The following PCDHGA6 variants were observed in gnomAD, a reference collection of about 807,000 sequenced individuals.
PCDHGA6 encodes the protein protocadherin gamma-A6.
PCDHGA6 carries 41 observed loss-of-function variants against 60.6 expected under a neutral mutation model. The ratio of observed to expected loss-of-function variants is 0.68; its 90% CI spans 0.53 to 0.88. The LOEUF is 0.88. Ranked by LOEUF, PCDHGA6 falls within the 40% of genes least tolerant of loss-of-function variation. The pLI is 0.00. For synonymous variants in PCDHGA6, 594 were observed against 524.4 expected, an observed-to-expected ratio of 1.13 and a Z score of -1.81; for missense variants, 1,312 against 1,203.0, an observed-to-expected ratio of 1.09 and a Z score of -1.34.
At chr5:141,382,300 A>C (rs1428266380) in intron 1 of PCDHGA6, among the ~76,000 whole-genome samples, 1 of 152,240 alleles carries the variant, frequency 6.6e-6, no homozygotes, top group Non-Finnish European at 1.5e-5. Flanking sequence ...AATTAATTAA[A>C]ATTTATATAC....
At chr5:141,455,583 A>G (rs1485134189) in intron 1 of PCDHGA6, among the ~76,000 whole-genome samples, 4 of 152,144 alleles carry the variant, frequency 2.6e-5, no homozygotes, top group Non-Finnish European at 2.9e-5. Context: ...CCAGCCTTTT[A>G]ATATGCAAAC....
chr5:141,425,555 A>C (rs1282440598), intron 1 of PCDHGA6, among the ~76,000 whole-genome samples: 2 of 152,388 alleles, frequency 1.3e-5, no homozygotes, highest in Middle Eastern at 6.8e-3. Context: ...AACCTCTTTT[A>C]TAAGTGATAA....
In PCDHGA6 at chr5:141,432,847, G is replaced by C. The variant is rs768265171; in HGVS notation, c.2424+56340G>C. ...ACCTCACTCTGTACCTGGTGGTAGC[G>C]GTGGCCGCGGTCTCCTGCGTCTTCC... On this transcript the variant is annotated intron_variant, in intron 1 of 3. Transcript: ENST00000517434. The surrounding 1 kb of genome is among the most constrained non-coding windows in gnomAD (Gnocchi z 6.0). The C allele has an allele frequency of 1.2e-6, 2 of 1,614,180 alleles. No homozygotes were observed. Among genetic ancestry groups the C allele is most frequent in the Admixed American group, 1.7e-5 (1 of 60,032 alleles).
intron 1 of PCDHGA6, among the ~76,000 whole-genome samples, chr5:141,468,306 C>T (rs1006015063): frequency 9.5e-6 from 1 of 105,260 alleles, no homozygotes; most frequent in African/African-American, 3.7e-5. Context: ...GCCTGGGCAA[C>T]AAGAGCAACG....
At chr5:141,433,289 G>C in intron 1 of PCDHGA6, 1 of 1,130,682 alleles carries the variant, frequency 8.8e-7, no homozygotes, top group Non-Finnish European at 1.3e-6. Context: ...AAACTCCTAG[G>C]CTCAAGCAAT....
chr5:141,382,921 G>A, intron 1 of PCDHGA6: 2 of 1,560,324 alleles, frequency 1.3e-6, no homozygotes, highest in South Asian at 1.2e-5. Flanking sequence ...GCCGAGGGGC[G>A]GGGACTACAG....
At chr5:141,442,053 G>A (rs888378256) in intron 1 of PCDHGA6, 3 of 197,472 alleles carry the variant, frequency 1.5e-5, no homozygotes, top group Non-Finnish European at 3.2e-5. Flanking sequence ...ACTGGTCGCG[G>A]TGCACTGCGG....
rs1243958567 is a variant in PCDHGA6, at chr5:141,418,557, T to C, written c.2424+42050T>C. 4.3e-6 allele frequency: 7 copies of C among 1,613,860 alleles called. No homozygotes were observed. The East Asian group carries it at 1.6e-4, about 36-fold the overall frequency. On this transcript the variant is annotated intron_variant, in intron 1 of 3. Coordinates refer to ENST00000517434, the MANE Select transcript of PCDHGA6 (RefSeq NM_018919.3). ...ACTGCTCAGATAAGAATCCTGGTAA[T>C]AGATGCCAATGACAACCCCCCAGTG... is the stretch of plus-strand genomic sequence containing the variant.
At chr5:141,384,058 C>T (rs1246180478) in intron 1 of PCDHGA6, 2 of 1,609,504 alleles carry the variant, frequency 1.2e-6, no homozygotes, top group Non-Finnish European at 1.7e-6. Context: ...CTGCACCATT[C>T]CAGAAAACCT....
chr5:141,420,722 A>T (rs1428516588), intron 1 of PCDHGA6, among the ~76,000 whole-genome samples: 4 of 152,226 alleles, frequency 2.6e-5, no homozygotes, highest in Admixed American at 6.5e-5. Flanking sequence ...CGTTCCTTTC[A>T]GTCGGTTAAA....
At chr5:141,447,649 T>C (rs909020761) in intron 1 of PCDHGA6, among the ~76,000 whole-genome samples, 1 of 152,206 alleles carries the variant, frequency 6.6e-6, no homozygotes, top group Non-Finnish European at 1.5e-5. Context: ...TGGTAGAATT[T>C]TCCCCCCCAG....
intron 1 of PCDHGA6, chr5:141,408,119 C>T (rs1271219465): frequency 6.8e-7 from 1 of 1,474,944 alleles, no homozygotes; most frequent in African/African-American, 1.4e-5. Flanking sequence ...CTCCTCCTGT[C>T]CTGGGCCGAA....
intron 1 of PCDHGA6, among the ~76,000 whole-genome samples, chr5:141,434,766 A>T (rs1383531828): frequency 1.3e-5 from 2 of 151,012 alleles, no homozygotes; most frequent in Non-Finnish European, 3.0e-5. Context: ...CCCACTTCAC[A>T]CTTCTAAAAA....
chr5:141,440,464 G>A (rs2003094), intron 1 of PCDHGA6: 3,293 of 152,144 alleles, frequency 0.022, 52 homozygotes, highest in South Asian at 0.038. Context: ...ATGAACAAAC[G>A]GTAGTTGAAA....
At chr5:141,414,533 C>A in intron 1 of PCDHGA6, 1 of 1,613,960 alleles carries the variant, frequency 6.2e-7, no homozygotes, top group Non-Finnish European at 8.5e-7. Context: ...AATGACAACC[C>A]ACCTACCTTC....
rs1421670958 is a variant in PCDHGA6, at chr5:141,432,558, A to C, written c.2424+56051A>C. ...GTGGCGGTGGACAGAGACTCCGGCC[A>C]GAACGCCTGGCTGTCCTACCGTCTG... On this transcript the variant is annotated intron_variant, in intron 1 of 3. Transcript: ENST00000517434. This position sits in a 1 kb window ranked among gnomAD's most constrained non-coding sequence, Gnocchi z 6.0. The C allele has an allele frequency of 1.9e-6, 3 of 1,613,756 alleles. No individual in the cohort carries two copies. The highest frequency in any genetic ancestry group is 2.2e-5 in the South Asian group (2 of 91,060).
chr5:141,376,199 G>A lies in PCDHGA6; in HGVS notation c.2116G>A (p.Ala706Thr). 6.2e-7 allele frequency: 1 copy of A among 1,614,162 alleles called. No homozygotes were observed. Among genetic ancestry groups the A allele is most frequent in the Non-Finnish European group, 8.5e-7 (1 of 1,180,030 alleles). Residue 706 changes from alanine to threonine, a missense_variant, in exon 1 of 4, where the codon GCC becomes ACC. Coordinates refer to ENST00000517434, the MANE Select transcript of PCDHGA6 (RefSeq NM_018919.3). ...AVAAVSCVFL[A>T]FVIVLLALRL... ...GGCCGCGGTCTCCTGCGTCTTCCTG[G>A]CCTTCGTCATCGTGCTGCTGGCGCT...
chr5:141,375,428 C>T lies in PCDHGA6; in HGVS notation c.1345C>T (p.Pro449Ser). The stretch of plus-strand genomic sequence containing the variant: ...AAATGTGGCAGACACCAACGACAAC[C>T]CGCCCACCTTCCCCCATTCATCCTA... ...SLNVADTNDN[P>S]PTFPHSSYSV... is the part of the protein sequence containing the mutation. Residue 449 changes from proline (P) to serine (S), a missense_variant, in exon 1 of 4, where the codon CCG (proline) becomes TCG (serine). Physicochemically the swap from Pro to Ser is moderately conservative, Grantham distance 74 (BLOSUM62 -1). Transcript: ENST00000517434. 1 of 1,613,984 alleles carries T rather than the reference C, an allele frequency of 6.2e-7. No homozygotes were observed. Among genetic ancestry groups the T allele is most frequent in the Non-Finnish European group, 8.5e-7 (1 of 1,180,030 alleles).
At chr5:141,451,762 T>C (rs2154563695) in intron 1 of PCDHGA6, among the ~76,000 whole-genome samples, 1 of 152,100 alleles carries the variant, frequency 6.6e-6, no homozygotes, top group African/African-American at 2.4e-5. Flanking sequence ...ATGCCTATAG[T>C]CCCAGCTACT....
Sources: allele counts gnomAD v4.1 joint callset (sites outside exome capture counted in the v4.1 genomes callset), GRCh38; gene constraint gnomAD v4.1.1; non-coding constraint Gnocchi (gnomAD v3.1); transcripts MANE v1.5; gene names NCBI Gene and HGNC (gene_info 2026-07-23, HGNC 2026-07-21).